The following USH2A variants were observed in gnomAD, a reference collection of about 807,000 sequenced individuals.
USH2A encodes the protein Usher syndrome 2A (autosomal recessive, mild).
In USH2A, 443 loss-of-function variants were observed where a neutral mutation model predicts 538.9. The observed-to-expected ratio is 0.82, with a 90% confidence interval of 0.76 to 0.89. USH2A has a LOEUF of 0.89. Ranked by LOEUF, USH2A falls within the 40% of genes least tolerant of loss-of-function variation. The probability of loss-of-function intolerance (pLI) is 0.00; values close to 1 mark genes in which losing one functional copy is unlikely to be tolerated. For synonymous variants in USH2A, 2,413 were observed against 2,273.5 expected (o/e 1.06, Z -1.75); for missense variants, 6,633 against 6,324.8 (o/e 1.05, Z -1.65).
At chr1:215,827,342 G>A (rs993852315) in intron 47 of USH2A, among the ~76,000 whole-genome samples, 4 of 152,138 alleles carry the variant, frequency 2.6e-5, no homozygotes, top group African/African-American at 9.6e-5. Flanking sequence ...GGATTTTGCT[G>A]AAAGGCACTC....
At chr1:215,746,305 G>A (rs1365425436) in intron 58 of USH2A, among the ~76,000 whole-genome samples, 1 of 152,122 alleles carries the variant, frequency 6.6e-6, no homozygotes, top group Non-Finnish European at 1.5e-5. Flanking sequence ...GTCTTGAGCT[G>A]CCTGGTTAGG....
At chr1:216,152,000 T>C (rs1326752203) in intron 21 of USH2A, among the ~76,000 whole-genome samples, 1 of 152,066 alleles carries the variant, frequency 6.6e-6, no homozygotes, top group Non-Finnish European at 1.5e-5. Flanking sequence ...ATGTTTCTTC[T>C]AACATCCCCA....
chr1:216,387,741 G>C (rs922628059), intron 3 of USH2A, among the ~76,000 whole-genome samples: 2 of 152,114 alleles, frequency 1.3e-5, no homozygotes, highest in Admixed American at 1.3e-4. Flanking sequence ...CTTCCAAAAT[G>C]TGTCACAGGG....
rs1460195265 is a variant in USH2A at position 215,957,567 on chromosome 1, CCTTT to C, written c.7120+7746_7120+7749del. ...TGAGATAAAGCTGTACTTTCTTTGA[CCTTT>C]CTTTCTAAAAATATATGCTCTGAAA... On this transcript the variant is annotated intron_variant, in intron 37 of 71. Transcript: ENST00000307340. Among the ~76,000 whole-genome samples the C allele has an allele frequency of 1.4e-4, 21 of 152,214 alleles. No homozygotes were observed. The East Asian group carries it at 2.5e-3, about 18-fold the overall frequency.
rs537975809 is a variant in USH2A at position 215,912,245 on chromosome 1, G to T, written c.7301-11340C>A. Among the ~76,000 whole-genome samples the T allele has an allele frequency of 1.2e-3, 181 of 151,934 alleles. 1 individual carries two copies. Among genetic ancestry groups the T allele is most frequent in the African/African-American group, 3.8e-3 (159 of 41,484 alleles). The stretch of plus-strand genomic sequence containing the variant: ...ATGTTTGCCTTGGTTGCCTGTGCTT[G>T]TGGGATATTGCTCAAGAAATCTTTG... On this transcript the variant is annotated intron_variant, in intron 38 of 71. Coordinates refer to ENST00000307340, the MANE Select transcript of USH2A (RefSeq NM_206933.4).
chr1:216,370,677 C>CAAAAAAAA lies in USH2A; in HGVS notation c.652-5600_652-5593dup, dbSNP rs58845914. On this transcript the variant is annotated intron_variant, in intron 3 of 71. Transcript: ENST00000307340. ...TGGGGAACAGAGCCAGACTCTGTCT[C>CAAAAAAAA]AAAAAAAAAAAAAAAAAAAAAAAAA... Among the ~76,000 whole-genome samples, 10 of 29,998 alleles carry CAAAAAAAA rather than the reference C, an allele frequency of 3.3e-4. 3 individuals are homozygous for CAAAAAAAA. The highest frequency in any genetic ancestry group is 2.9e-3 in the East Asian group (2 of 698). The allele number at this position is 29,998 out of a possible 152,430, so 19.7% of individuals were successfully genotyped here.
At chr1:216,336,454 G>A (rs2037976963) in intron 4 of USH2A, among the ~76,000 whole-genome samples, 1 of 151,138 alleles carries the variant, frequency 6.6e-6, no homozygotes, top group African/African-American at 2.4e-5. Context: ...AAAAGTAGAA[G>A]TAAAACTATC....
In USH2A at chr1:216,199,953, G is replaced by A. The variant is rs2034945122; in HGVS notation, c.3485C>T (p.Ser1162Leu). ...LTLSYIIPIG[S>L]DSVTLTWTTL... ...TGTCCAGGTAAGTGTCACAGAGTCT[G>A]AGCCAATAGGAATGATATAACTTAA... The change falls in exon 17 of 72, where the codon TCA becomes TTA. Residue 1162 changes from serine to leucine, a missense_variant. Physicochemically the swap from Ser to Leu is moderately radical, Grantham distance 145. Transcript: ENST00000307340. 1.2e-6 allele frequency: 2 copies of A among 1,613,978 alleles called. No homozygotes were observed. Among genetic ancestry groups the A allele is most frequent in the Non-Finnish European group, 1.7e-6 (2 of 1,179,994 alleles).
intron 21 of USH2A, among the ~76,000 whole-genome samples, chr1:216,147,898 T>C (rs1423541208): frequency 4.8e-5 from 7 of 147,040 alleles, no homozygotes; most frequent in South Asian, 2.3e-4. Context: ...CCCATCTGTG[T>C]GGGACCCCAC....
chr1:215,662,608 C>T (rs563448887), intron 64 of USH2A, among the ~76,000 whole-genome samples: 1 of 152,360 alleles, frequency 6.6e-6, no homozygotes, highest in South Asian at 2.1e-4. Flanking sequence ...GGCCCTGGGC[C>T]TAGTGGCGAA....
At chr1:215,637,352 C>T (rs374363440) in intron 69 of USH2A, among the ~76,000 whole-genome samples, 10 of 152,202 alleles carry the variant, frequency 6.6e-5, no homozygotes, top group Admixed American at 3.3e-4. Context: ...GCCAGAGGCC[C>T]GGGAAACTAC....
At chr1:216,393,436 G>C (rs6664755) in intron 3 of USH2A, among the ~76,000 whole-genome samples, 2 of 151,912 alleles carry the variant, frequency 1.3e-5, no homozygotes, top group East Asian at 3.9e-4. Flanking sequence ...GCTTGTGGTC[G>C]GAACACACAA....
chr1:215,904,822 T>A (rs955712036), intron 38 of USH2A, among the ~76,000 whole-genome samples: 1 of 152,052 alleles, frequency 6.6e-6, no homozygotes, highest in Non-Finnish European at 1.5e-5. Flanking sequence ...AAATTTCAAA[T>A]TTAACCTGCT....
chr1:216,252,543 G>A (rs1317448205), intron 11 of USH2A, among the ~76,000 whole-genome samples: 1 of 152,140 alleles, frequency 6.6e-6, no homozygotes, highest in Non-Finnish European at 1.5e-5. Flanking sequence ...TGCCTCAATT[G>A]TCCTCATCCA....
At chr1:215,931,866 A>T (rs17025631) in intron 38 of USH2A, among the ~76,000 whole-genome samples, 1,895 of 152,048 alleles carry the variant, frequency 0.012, 40 homozygotes, top group African/African-American at 0.044. Context: ...GTTCTCTGGG[A>T]TACAGAAAGG....
At chr1:215,998,861 A>G (rs763552336) in intron 34 of USH2A, 26 bp downstream of exon 34, 3 of 1,609,278 alleles carry the variant, frequency 1.9e-6, no homozygotes, top group Non-Finnish European at 2.6e-6. Flanking sequence ...GAATGGGGAC[A>G]GAGAAAGTGA....
At chr1:215,995,869 T>C (rs534342612) in intron 34 of USH2A, among the ~76,000 whole-genome samples, 41 of 152,290 alleles carry the variant, frequency 2.7e-4, no homozygotes, top group Middle Eastern at 3.4e-3. Context: ...TTATCAATTA[T>C]TTTTGAAATC....
At chr1:215,959,112 G>C (rs1667137561) in intron 37 of USH2A, among the ~76,000 whole-genome samples, 1 of 151,794 alleles carries the variant, frequency 6.6e-6, no homozygotes, top group African/African-American at 2.4e-5. Context: ...GCTCTTGTGA[G>C]CTATTTTTTA....
At chr1:216,299,322 ATACAGC>A (rs1169276089) in intron 9 of USH2A, among the ~76,000 whole-genome samples, 3 of 152,122 alleles carry the variant, frequency 2.0e-5, no homozygotes, top group Admixed American at 6.6e-5. Flanking sequence ...TATATTCATA[ATACAGC>A]TTGAATTGAA....
Sources: allele counts gnomAD v4.1 joint callset (sites outside exome capture counted in the v4.1 genomes callset), GRCh38; gene constraint gnomAD v4.1.1; transcripts MANE v1.5; gene names NCBI Gene and HGNC (gene_info 2026-07-23, HGNC 2026-07-21).